RAPGEF1: variants seen among roughly 807,000 people sequenced by gnomAD.
RAPGEF1 encodes CRK SH3-binding GNRP.
RAPGEF1 carries 33 observed loss-of-function variants against 143.3 expected under a neutral mutation model. The observed-to-expected ratio is 0.23, with a 90% confidence interval of 0.17 to 0.31. The LOEUF (loss-of-function observed/expected upper bound fraction) is 0.31. Ranked by LOEUF, RAPGEF1 falls within the 10% of genes least tolerant of loss-of-function variation. The pLI, the probability that RAPGEF1 is intolerant of heterozygous loss-of-function variation, is 1.00. For synonymous variants in RAPGEF1, 629 were observed against 676.5 expected (o/e 0.93, Z 1.09); for missense variants, 1,199 against 1,645.4 (o/e 0.73, Z 4.69).
At chr9:131,679,312 G>C (rs998240860) in intron 1 of RAPGEF1, among the ~76,000 whole-genome samples, 6 of 152,170 alleles carry the variant, frequency 3.9e-5, no homozygotes, top group Admixed American at 3.9e-4. Flanking sequence ...AAGAACACTG[G>C]GCCAAATGAT....
Position 131,641,618 on chromosome 9 carries a change from T to C in RAPGEF1, c.494+1621A>G, listed in dbSNP as rs1967997991. ...GCTTTAACTATTCCAAGGCAGAGAC[T>C]ACCACATGAGACTAGGTCCACAAAA... On this transcript the variant is annotated intron_variant, in intron 4 of 26. Transcript: ENST00000683357. The surrounding 1 kb of genome is among the most constrained non-coding windows in gnomAD (Gnocchi z 4.6). Among the ~76,000 whole-genome samples, 1 of 152,242 alleles carries C rather than the reference T, an allele frequency of 6.6e-6. No homozygotes were observed. The highest frequency in any genetic ancestry group is 2.1e-4 in the South Asian group (1 of 4,834).
At position 131,660,020 on chromosome 9, in the gene RAPGEF1, G is replaced by A. The variant is rs1252723222; in HGVS notation, c.62-9071C>T. ...TTTTCAGTAGAGACGGGGTTTCACC[G>A]TGTTAGCCAGGATGGTCTCGATCTC... is the stretch of plus-strand genomic sequence containing the variant. On this transcript the variant is annotated intron_variant, in intron 1 of 26. Coordinates refer to ENST00000683357, the MANE Select transcript of RAPGEF1 (RefSeq NM_001377935.1). Among the ~76,000 whole-genome samples the A allele has an allele frequency of 3.9e-5, 6 of 152,178 alleles. No individual in the cohort carries two copies. The South Asian group carries it at 1.0e-3, about 26-fold the overall frequency.
At chr9:131,580,713 A>C (rs1427389472) in intron 25 of RAPGEF1, among the ~76,000 whole-genome samples, 1 of 152,154 alleles carries the variant, frequency 6.6e-6, no homozygotes, top group African/African-American at 2.4e-5. Flanking sequence ...GTAAAAAAAA[A>C]AAATAACAAA....
intron 1 of RAPGEF1, among the ~76,000 whole-genome samples, chr9:131,703,312 T>C (rs563538272): frequency 5.8e-4 from 88 of 152,248 alleles, no homozygotes; most frequent in Admixed American, 1.6e-3. Context: ...TTATGTCTTT[T>C]AGGCTTAGCC....
intron 1 of RAPGEF1, among the ~76,000 whole-genome samples, chr9:131,677,976 C>A (rs1448596158): frequency 6.6e-6 from 1 of 152,222 alleles, no homozygotes; most frequent in East Asian, 1.9e-4. Flanking sequence ...CACAGGTCAA[C>A]AAGCTCTTGT....
intron 1 of RAPGEF1, among the ~76,000 whole-genome samples, chr9:131,722,802 G>A (rs559725739): frequency 2.0e-5 from 3 of 152,030 alleles, no homozygotes; most frequent in Admixed American, 6.6e-5. Flanking sequence ...GGAGTTTGAG[G>A]CTGCAGTGAG....
At chr9:131,626,489 CCGCCCG>C in intron 9 of RAPGEF1, 67 bp from the exon 10 acceptor site, 1 of 1,479,306 alleles carries the variant, frequency 6.8e-7, no homozygotes, top group East Asian at 2.3e-5. Context: ...CCAGCTCCCC[CCGCCCG>C]CCTCTCGCCG....
chr9:131,618,743 G>T (rs1959672281), intron 12 of RAPGEF1, among the ~76,000 whole-genome samples: 1 of 152,276 alleles, frequency 6.6e-6, no homozygotes, highest in South Asian at 2.1e-4. Context: ...GAACACAGAG[G>T]GCTGATCCAA....
intron 1 of RAPGEF1, among the ~76,000 whole-genome samples, chr9:131,688,478 C>T (rs1043639497): frequency 2.6e-5 from 4 of 152,150 alleles, no homozygotes; most frequent in Admixed American, 6.5e-5. Context: ...CTAAATAAAA[C>T]GTACAAGGGC....
chr9:131,612,736 G>C (rs1229761580), intron 12 of RAPGEF1, among the ~76,000 whole-genome samples: 1 of 152,220 alleles, frequency 6.6e-6, no homozygotes, highest in Non-Finnish European at 1.5e-5. Flanking sequence ...ACACTTCAGA[G>C]CAGCACTGGG....
Position 131,626,175 on chromosome 9 carries a change from G to A in RAPGEF1, c.1449C>T (p.Ser483=), listed in dbSNP as rs1962972015. ...LPEKKRRSAA[S]QTADGSGCRV... is the part of the protein sequence containing the mutation. ...TGCAGCCAGAGCCGTCCGCCGTCTGGGAGGCTGCGCTCCTGCGCTTCTTCT... is the reference window on the plus strand; with the variant it reads ...TGCAGCCAGAGCCGTCCGCCGTCTGAGAGGCTGCGCTCCTGCGCTTCTTCT... The change falls in exon 10 of 27, where the codon TCC becomes TCT. Residue 483 remains serine, a synonymous_variant. Coordinates refer to ENST00000683357, the MANE Select transcript of RAPGEF1 (RefSeq NM_001377935.1). 1.9e-6 allele frequency: 3 copies of A among 1,613,860 alleles called. No individual in the cohort carries two copies. In the African/African-American group the frequency reaches 4.0e-5, roughly 22 times the overall value.
At position 131,604,060 on chromosome 9, in the gene RAPGEF1, G is replaced by A. The variant is rs754643601; in HGVS notation, c.2320-7C>T. The A allele has an allele frequency of 3.8e-6, 5 of 1,314,632 alleles. No individual in the cohort carries two copies. Among genetic ancestry groups the A allele is most frequent in the Non-Finnish European group, 5.0e-6 (5 of 992,056 alleles). 81.4% of individuals were successfully genotyped at this position (1,314,632 alleles called of 1,614,324 possible). A position where few individuals can be genotyped will look rare whatever the true frequency, so the allele number is the denominator to read the frequency against. ...CCTCACTGGCGTTTTCACTCTGGGG[G>A]AGACAGGACGAGAGGAAAGACACAT... On this transcript the variant is annotated splice_region_variant and splice_polypyrimidine_tract_variant and intron_variant, in intron 13 of 26. Coordinates refer to ENST00000683357, the MANE Select transcript of RAPGEF1 (RefSeq NM_001377935.1).
chr9:131,608,659 G>A (rs142712722), intron 12 of RAPGEF1, among the ~76,000 whole-genome samples: 52 of 152,300 alleles, frequency 3.4e-4, no homozygotes, highest in African/African-American at 1.1e-3. Context: ...CTATGCAGTC[G>A]TGCTGGGACA....
chr9:131,615,512 C>T (rs1490098514), intron 12 of RAPGEF1, among the ~76,000 whole-genome samples: 5 of 152,158 alleles, frequency 3.3e-5, no homozygotes, highest in East Asian at 1.9e-4. Flanking sequence ...GGGACCAACT[C>T]GTGGGAGGTG....
At chr9:131,587,454 C>G (rs565571786) in intron 22 of RAPGEF1, among the ~76,000 whole-genome samples, 2 of 152,262 alleles carry the variant, frequency 1.3e-5, no homozygotes, top group Non-Finnish European at 2.9e-5. Flanking sequence ...GGAGGGCAAA[C>G]TCACGCCCTT....
intron 3 of RAPGEF1, 137 bp downstream of exon 3, chr9:131,649,992 G>T: frequency 1.5e-6 from 1 of 660,968 alleles, no homozygotes; most frequent in Non-Finnish European, 2.5e-6. Context: ...ACTCTTTCCT[G>T]AACAATTCAG....
At chr9:131,663,911 G>A (rs2130579945) in intron 1 of RAPGEF1, among the ~76,000 whole-genome samples, 1 of 152,256 alleles carries the variant, frequency 6.6e-6, no homozygotes, top group Admixed American at 6.5e-5. Context: ...ATCCTTATGT[G>A]AATCTTTATT....
Position 131,584,197 on chromosome 9 carries a change from G to A in RAPGEF1, c.3414+114C>T, listed in dbSNP as rs1952332877. On this transcript the variant is annotated intron_variant, in intron 24 of 26. Coordinates refer to ENST00000683357, the MANE Select transcript of RAPGEF1 (RefSeq NM_001377935.1). The surrounding 1 kb of genome is among the most constrained non-coding windows in gnomAD (Gnocchi z 6.8). ...ACAGCATGTCGGTGGCAGAGCAGGGGCCTAGGCCCAGCATTTGCTCCAGTG... is the reference window on the plus strand; with the variant it reads ...ACAGCATGTCGGTGGCAGAGCAGGGACCTAGGCCCAGCATTTGCTCCAGTG... 1 of 974,328 alleles carries A rather than the reference G, an allele frequency of 1.0e-6. No homozygotes were observed. The highest frequency in any genetic ancestry group is 1.5e-5 in the South Asian group (1 of 67,274). 60.4% of individuals were successfully genotyped at this position (974,328 alleles called of 1,614,324 possible). A position where few individuals can be genotyped will look rare whatever the true frequency, so the allele number is the denominator to read the frequency against.
chr9:131,674,375 A>G (rs1408565436), intron 1 of RAPGEF1, among the ~76,000 whole-genome samples: 1 of 152,232 alleles, frequency 6.6e-6, no homozygotes, highest in African/African-American at 2.4e-5. Context: ...GGCGCCCTGC[A>G]GAGCACGGTT....
Sources: gnomAD v4.1 joint callset for allele counts (sites outside exome capture counted in the v4.1 genomes callset) on GRCh38, gnomAD v4.1.1 for gene constraint, Gnocchi (gnomAD v3.1) non-coding constraint, MANE v1.5 for transcripts, NCBI Gene and HGNC (gene_info 2026-07-23, HGNC 2026-07-21) for gene names.